Variants in BACE2 observed in about 807,000 individuals in gnomAD.
BACE2 encodes 56 kDa aspartic-like protease.
BACE2 carries 17 observed loss-of-function variants against 46.2 expected under a neutral mutation model. The observed-to-expected ratio is 0.37, with a 90% CI of 0.25 to 0.55. The LOEUF (loss-of-function observed/expected upper bound fraction) is 0.55, where lower values mean the gene tolerates loss of function less well. Ranked by LOEUF, BACE2 falls within the 20% of genes least tolerant of loss-of-function variation. BACE2 has a pLI of 0.82. For missense variants in BACE2, 595 were observed against 698.1 expected, an observed-to-expected ratio of 0.85 and a Z score of 1.66; for synonymous variants, 277 against 295.9, an observed-to-expected ratio of 0.94 and a Z score of 0.66.
intron 1 of BACE2, among the ~76,000 whole-genome samples, chr21:41,187,755 C>T (rs927886993): frequency 2.0e-5 from 3 of 152,076 alleles, no homozygotes; most frequent in Non-Finnish European, 2.9e-5. Flanking sequence ...ACCACAAAAC[C>T]GCCTTTGAGA....
At chr21:41,216,434 AC>A (rs1450294856) in intron 1 of BACE2, among the ~76,000 whole-genome samples, 1 of 152,262 alleles carries the variant, frequency 6.6e-6, no homozygotes, top group Non-Finnish European at 1.5e-5. Flanking sequence ...TTTTGCTGGA[AC>A]TGCCACGGAA....
intron 7 of BACE2, 97 bp downstream of exon 7, chr21:41,250,998 C>T (rs1987621924): frequency 8.5e-7 from 1 of 1,175,974 alleles, no homozygotes; most frequent in Non-Finnish European, 1.2e-6. Flanking sequence ...TGCATTAGAT[C>T]TCTATCACCA....
At chr21:41,240,707 G>A (rs991268792) in intron 3 of BACE2, among the ~76,000 whole-genome samples, 4 of 152,150 alleles carry the variant, frequency 2.6e-5, no homozygotes, top group Non-Finnish European at 4.4e-5. Flanking sequence ...TGACCCAAAC[G>A]CCCACAAGTG....
intron 1 of BACE2, among the ~76,000 whole-genome samples, chr21:41,195,395 C>A (rs1176263125): frequency 6.6e-6 from 1 of 152,194 alleles, no homozygotes; most frequent in East Asian, 1.9e-4. Flanking sequence ...CTCAGAAGAA[C>A]CCATGGAGGA....
At chr21:41,262,065 A>G (rs966133745) in intron 8 of BACE2, among the ~76,000 whole-genome samples, 1 of 152,166 alleles carries the variant, frequency 6.6e-6, no homozygotes, top group African/African-American at 2.4e-5. Context: ...CTAAAAAATT[A>G]ATAATATTTG....
At chr21:41,252,177 C>T (rs1276470052) in intron 7 of BACE2, among the ~76,000 whole-genome samples, 1 of 152,292 alleles carries the variant, frequency 6.6e-6, no homozygotes, top group African/African-American at 2.4e-5. Context: ...TTTAAATGCT[C>T]AGGGCTCGCT....
rs1417132175 is a variant in BACE2 at position 41,277,707 on chromosome 21, T to A, written c.*2083T>A. The A allele has an allele frequency of 5.3e-5, 8 of 152,222 alleles. No homozygotes were observed. Among genetic ancestry groups the A allele is most frequent in the African/African-American group, 1.9e-4 (8 of 41,454 alleles). 9.4% of individuals were successfully genotyped at this position (152,222 alleles called of 1,614,324 possible). ...TTCTGTTCCGTTGTATTGTGTTAGG[T>A]TTCAGAGGCGGGGAGCTTCCTCCTG... On this transcript the variant is annotated 3_prime_UTR_variant, in exon 9 of 9. Transcript: ENST00000330333.
chr21:41,258,759 T>C (rs1312566442), intron 8 of BACE2, among the ~76,000 whole-genome samples: 1 of 152,246 alleles, frequency 6.6e-6, no homozygotes, highest in Non-Finnish European at 1.5e-5. Flanking sequence ...ATGACATGTC[T>C]TCATAAATAT....
intron 8 of BACE2, among the ~76,000 whole-genome samples, chr21:41,272,957 C>T (rs1458874406): frequency 6.6e-6 from 1 of 152,086 alleles, no homozygotes; most frequent in Non-Finnish European, 1.5e-5. Context: ...TAAGTGTCAG[C>T]CGGTCTGAGA....
intron 8 of BACE2, among the ~76,000 whole-genome samples, chr21:41,264,743 G>C (rs1223938193): frequency 6.6e-6 from 1 of 152,020 alleles, no homozygotes; most frequent in Admixed American, 6.5e-5. Context: ...TCCAACACTT[G>C]GGATCCCAAT....
At chr21:41,200,215 C>A (rs1384445418) in intron 1 of BACE2, among the ~76,000 whole-genome samples, 8 of 148,808 alleles carry the variant, frequency 5.4e-5, no homozygotes, top group Non-Finnish European at 1.0e-4. Flanking sequence ...AAAAAAAACC[C>A]AAAACCTCTT....
At chr21:41,214,704 T>G (rs1255430321) in intron 1 of BACE2, among the ~76,000 whole-genome samples, 3 of 152,230 alleles carry the variant, frequency 2.0e-5, no homozygotes, top group African/African-American at 7.2e-5. Context: ...CTTTCATTTA[T>G]TCATTCAACA....
intron 2 of BACE2, 135 bp from the exon 3 acceptor site, chr21:41,237,378 G>A (rs113535477): frequency 4.0e-4 from 199 of 501,220 alleles, no homozygotes; most frequent in African/African-American, 3.7e-3. Context: ...CCCGGGAGGC[G>A]GAGGTTGCAG....
rs556368188 is a variant in BACE2, at chr21:41,281,510, T to C, written c.*5886T>C. 6 of 152,356 alleles carry C rather than the reference T, an allele frequency of 3.9e-5. No individual in the cohort carries two copies. Among genetic ancestry groups the C allele is most frequent in the South Asian group, 2.1e-4 (1 of 4,826 alleles). The allele number at this position is 152,356 out of a possible 1,614,324, so 9.4% of individuals were successfully genotyped here. On this transcript the variant is annotated 3_prime_UTR_variant, in exon 9 of 9. Coordinates refer to ENST00000330333, the MANE Select transcript of BACE2 (RefSeq NM_012105.5). Reference sequence around the variant, plus strand: ...AAGTGTCTCCAAAGGTCAGGACATATGTTTTTCTGTTGAGTGCTATATGTG... The same window carrying C: ...AAGTGTCTCCAAAGGTCAGGACATACGTTTTTCTGTTGAGTGCTATATGTG...
chr21:41,251,864 G>A (rs80120449), intron 7 of BACE2, among the ~76,000 whole-genome samples: 77 of 152,142 alleles, frequency 5.1e-4, no homozygotes, highest in African/African-American at 1.4e-3. Flanking sequence ...GATTGCCCAA[G>A]GTGAAGACAT....
Position 41,179,048 on chromosome 21 carries a change from C to T in BACE2, c.312+10473C>T, listed in dbSNP as rs183615289. On this transcript the variant is annotated intron_variant, in intron 1 of 8. Transcript: ENST00000330333. ...AGGGAAAGCGTGTCCCAGGCTGCAGCCAGGGAGGTGAAGACTTGAGGGTGT... is the reference window on the plus strand; with the variant it reads ...AGGGAAAGCGTGTCCCAGGCTGCAGTCAGGGAGGTGAAGACTTGAGGGTGT... 46 of 1,116,772 alleles carry T rather than the reference C, an allele frequency of 4.1e-5. No individual in the cohort carries two copies. The East Asian group carries it at 1.4e-3, about 33-fold the overall frequency. 69.2% of individuals were successfully genotyped at this position (1,116,772 alleles called of 1,614,324 possible).
At chr21:41,267,549 T>C (rs2088391396) in intron 8 of BACE2, among the ~76,000 whole-genome samples, 1 of 152,236 alleles carries the variant, frequency 6.6e-6, no homozygotes, top group Admixed American at 6.5e-5. Flanking sequence ...GCCATTTGAC[T>C]GTGAATTTTT....
chr21:41,243,017 G>A (rs1363080162), intron 4 of BACE2, among the ~76,000 whole-genome samples: 1 of 151,984 alleles, frequency 6.6e-6, no homozygotes, highest in Non-Finnish European at 1.5e-5. Context: ...CTGTTCAAGC[G>A]ATTCTCCTGC....
At chr21:41,225,253 C>G (rs562620689) in intron 1 of BACE2, among the ~76,000 whole-genome samples, 24 of 151,550 alleles carry the variant, frequency 1.6e-4, no homozygotes, top group African/African-American at 4.8e-4. Context: ...AAAAAAATAT[C>G]TAGTCTATGA....
Sources: allele counts gnomAD v4.1 joint callset (sites outside exome capture counted in the v4.1 genomes callset), GRCh38; gene constraint gnomAD v4.1.1; transcripts MANE v1.5; gene names NCBI Gene and HGNC (gene_info 2026-07-23, HGNC 2026-07-21).